Variants in SH3RF2 observed in about 807,000 individuals in gnomAD.
SH3RF2 encodes the protein E3 ubiquitin-protein ligase SH3RF2.
Under a neutral mutation model 59.0 loss-of-function variants are expected in SH3RF2, and 43 were observed. The ratio of observed to expected loss-of-function variants is 0.73; its 90% confidence interval spans 0.57 to 0.94. The LOEUF is 0.94. Ranked by LOEUF, SH3RF2 falls within the 40% of genes least tolerant of loss-of-function variation. The pLI is 0.00. For synonymous variants in SH3RF2, 391 were observed against 391.5 expected (o/e 1.00, Z 0.01); for missense variants, 930 against 940.1 (o/e 0.99, Z 0.14).
chr5:146,029,560 G>C (rs1761668610), intron 5 of SH3RF2, among the ~76,000 whole-genome samples: 2 of 152,238 alleles, frequency 1.3e-5, no homozygotes, highest in South Asian at 4.1e-4. Context: ...GGCCATGCTG[G>C]GCTCGGGGTA....
chr5:146,061,181 C>G (rs1382098871), intron 9 of SH3RF2, among the ~76,000 whole-genome samples: 1 of 152,164 alleles, frequency 6.6e-6, no homozygotes, highest in Non-Finnish European at 1.5e-5. Flanking sequence ...GACAACAACC[C>G]TCTCAAATAG....
intron 2 of SH3RF2, among the ~76,000 whole-genome samples, chr5:145,975,960 C>T (rs1254197227): frequency 6.6e-6 from 1 of 152,154 alleles, no homozygotes; most frequent in Non-Finnish European, 1.5e-5. Context: ...AGTAGGCACT[C>T]AATAAGAGAT....
At chr5:146,007,090 T>C (rs1760676645) in intron 4 of SH3RF2, among the ~76,000 whole-genome samples, 1 of 152,218 alleles carries the variant, frequency 6.6e-6, no homozygotes. Flanking sequence ...ACACTGGGTA[T>C]CATTGCCTCT....
At chr5:145,985,290 A>C (rs1759657602) in intron 2 of SH3RF2, among the ~76,000 whole-genome samples, 1 of 152,220 alleles carries the variant, frequency 6.6e-6, no homozygotes, top group African/African-American at 2.4e-5. Context: ...ACTGCAAATA[A>C]GTATAAATAC....
intron 2 of SH3RF2, among the ~76,000 whole-genome samples, chr5:145,957,407 G>A (rs1758457564): frequency 6.6e-6 from 1 of 152,136 alleles, no homozygotes; most frequent in Admixed American, 6.6e-5. Flanking sequence ...ATGAATTTAA[G>A]AGTAAATTGA....
chr5:146,030,676 G>T (rs1761709191), intron 5 of SH3RF2, among the ~76,000 whole-genome samples: 1 of 150,846 alleles, frequency 6.6e-6, no homozygotes, highest in Non-Finnish European at 1.5e-5. Flanking sequence ...TACAGCCTAT[G>T]GTCCAAATGC....
At chr5:145,994,699 G>T (rs566746102) in intron 2 of SH3RF2, among the ~76,000 whole-genome samples, 1 of 152,168 alleles carries the variant, frequency 6.6e-6, no homozygotes, top group Non-Finnish European at 1.5e-5. Flanking sequence ...TCCCAAACAC[G>T]TGGGAATTCA....
At chr5:145,997,824 A>G (rs778633353) in intron 2 of SH3RF2, 90 of 1,452,428 alleles carry the variant, frequency 6.2e-5, no homozygotes, top group Non-Finnish European at 7.9e-5. Flanking sequence ...CCCCGCCGAA[A>G]TAGAAGTACC....
intron 9 of SH3RF2, among the ~76,000 whole-genome samples, chr5:146,071,294 CTT>C (rs1429979808): frequency 2.0e-5 from 3 of 152,188 alleles, no homozygotes; most frequent in African/African-American, 7.2e-5. Flanking sequence ...TAAGAGATGT[CTT>C]ATGTCTCTGT....
intron 2 of SH3RF2, among the ~76,000 whole-genome samples, chr5:145,982,225 G>C (rs999303229): frequency 3.3e-5 from 5 of 152,076 alleles, no homozygotes; most frequent in Non-Finnish European, 7.3e-5. Context: ...ATAAGGCTCA[G>C]TCCTGCAGTG....
Position 145,937,375 on chromosome 5 carries a change from C to T in SH3RF2, c.-106-448C>T, listed in dbSNP as rs558649234. Among the ~76,000 whole-genome samples, 15 of 152,258 alleles carry T rather than the reference C, an allele frequency of 9.9e-5. No homozygotes were observed. In the East Asian group the frequency reaches 2.5e-3, roughly 26 times the overall value. On this transcript the variant is annotated intron_variant, in intron 1 of 9. Transcript: ENST00000359120. ...AAACTTACCCACCTAAACTAATCTG[C>T]ATGTGGTGCAGATAATAGATACATT...
intron 2 of SH3RF2, among the ~76,000 whole-genome samples, chr5:145,985,327 A>G (rs988418740): frequency 6.6e-6 from 1 of 152,222 alleles, no homozygotes; most frequent in African/African-American, 2.4e-5. Context: ...GTAAATCTTA[A>G]AAGATGGAGA....
intron 2 of SH3RF2, among the ~76,000 whole-genome samples, chr5:145,988,914 T>C (rs904673694): frequency 3.9e-5 from 6 of 152,116 alleles, no homozygotes; most frequent in African/African-American, 1.4e-4. Context: ...TTACTCTATT[T>C]CCCCCAACAA....
chr5:145,976,304 A>G (rs528677246), intron 2 of SH3RF2, among the ~76,000 whole-genome samples: 32 of 152,298 alleles, frequency 2.1e-4, no homozygotes, highest in Admixed American at 1.6e-3. Context: ...AATGGTTGTA[A>G]TACCTGCCTC....
At chr5:146,042,601 G>A (rs1561758482) in intron 5 of SH3RF2, among the ~76,000 whole-genome samples, 1 of 152,188 alleles carries the variant, frequency 6.6e-6, no homozygotes. Flanking sequence ...ACTCCTAAGA[G>A]GTAGCTGCAT....
At chr5:146,030,864 C>G (rs746101122) in intron 5 of SH3RF2, among the ~76,000 whole-genome samples, 7 of 152,098 alleles carry the variant, frequency 4.6e-5, no homozygotes, top group Non-Finnish European at 8.8e-5. Context: ...TGGTACTCAG[C>G]CAGGCTCACT....
chr5:146,049,376 A>G (rs1486257952), intron 7 of SH3RF2, 131 bp downstream of exon 7: 1 of 999,366 alleles, frequency 1.0e-6, no homozygotes, highest in Non-Finnish European at 1.5e-6. Context: ...TTGCTCTATA[A>G]CCCGCCTATC....
At chr5:145,945,616 C>T (rs1397030145) in intron 2 of SH3RF2, among the ~76,000 whole-genome samples, 1 of 151,946 alleles carries the variant, frequency 6.6e-6, no homozygotes, top group Non-Finnish European at 1.5e-5. Flanking sequence ...GCATGTGGAC[C>T]TAGAAAAGGC....
downstream of SH3RF2, among the ~76,000 whole-genome samples, chr5:146,064,784 G>GAAAGA (rs70998051): frequency 2.7e-5 from 1 of 37,690 alleles, no homozygotes; most frequent in African/African-American, 1.2e-4. Context: ...GGAAAGGAAG[G>GAAAGA]AAGGAAGGAA....
Sources: allele counts gnomAD v4.1 joint callset (sites outside exome capture counted in the v4.1 genomes callset), GRCh38; gene constraint gnomAD v4.1.1; transcripts MANE v1.5; gene names NCBI Gene and HGNC (gene_info 2026-07-23, HGNC 2026-07-21).